The following CCZ1B variants were observed in gnomAD, a reference collection of about 807,000 sequenced individuals.
CCZ1B encodes CCZ1B vacuolar protein trafficking and biogenesis associated, also known as vacuolar fusion protein CCZ1 homolog B.
Under a neutral mutation model 58.8 loss-of-function variants are expected in CCZ1B, and 25 were observed. The ratio of observed to expected loss-of-function variants is 0.43; its 90% CI spans 0.31 to 0.59. The LOEUF (loss-of-function observed/expected upper bound fraction) is 0.59, where lower values mean the gene tolerates loss of function less well. Ranked by LOEUF, CCZ1B falls within the 20% of genes least tolerant of loss-of-function variation. CCZ1B has a pLI of 0.12. For missense variants in CCZ1B, 180 were observed against 501.5 expected, an observed-to-expected ratio of 0.36 and a Z score of 6.12; for synonymous variants, 66 against 173.2, an observed-to-expected ratio of 0.38 and a Z score of 4.86.
intron 6 of CCZ1B, among the ~76,000 whole-genome samples, chr7:6,821,460 C>G (rs1445832668): frequency 6.6e-6 from 1 of 152,304 alleles, no homozygotes; most frequent in Non-Finnish European, 1.5e-5. Context: ...ATTAAAATGA[C>G]AAAACAACAA....
chr7:6,813,903 T>C (rs2115118376), intron 8 of CCZ1B, among the ~76,000 whole-genome samples: 1 of 149,252 alleles, frequency 6.7e-6, no homozygotes, highest in South Asian at 2.1e-4. Context: ...CCCAGCACTT[T>C]GGGAAGCTGA....
At chr7:6,822,179 T>C in intron 6 of CCZ1B, 102 bp downstream of exon 6, 1 of 1,499,958 alleles carries the variant, frequency 6.7e-7, no homozygotes, top group Non-Finnish European at 8.9e-7. Context: ...CACTTTCAAG[T>C]TCTGGGTTTT....
chr7:6,808,388 AAAAAAAAAAAC>A (rs1221337995), intron 10 of CCZ1B, among the ~76,000 whole-genome samples: 66 of 64,440 alleles, frequency 1.0e-3, no homozygotes, highest in South Asian at 2.2e-3. Flanking sequence ...AAAAACCAAA[AAAAAAAAAAAC>A]AAAAAACAAA....
At chr7:6,824,329 G>C in intron 3 of CCZ1B, 126 bp downstream of exon 3, 2 of 1,342,236 alleles carry the variant, frequency 1.5e-6, no homozygotes, top group East Asian at 2.5e-5. Flanking sequence ...TTTTAAAATT[G>C]CAACCAATTT....
At chr7:6,818,513 T>A (rs1221410075) in intron 7 of CCZ1B, among the ~76,000 whole-genome samples, 1 of 147,714 alleles carries the variant, frequency 6.8e-6, no homozygotes, top group East Asian at 1.9e-4. Flanking sequence ...CGCGCCACTG[T>A]ACTCCAGCCT....
At chr7:6,812,371 C>T in intron 9 of CCZ1B, 1 of 368,674 alleles carries the variant, frequency 2.7e-6, no homozygotes, top group South Asian at 2.3e-5. Context: ...CACCTGCAAT[C>T]CCAGCTACTA....
At chr7:6,808,539 C>A (rs1487615564) in intron 10 of CCZ1B, among the ~76,000 whole-genome samples, 1 of 150,794 alleles carries the variant, frequency 6.6e-6, no homozygotes, top group South Asian at 2.1e-4. Context: ...AACCTGTATT[C>A]TTCCACTGTA....
intron 9 of CCZ1B, chr7:6,812,390 G>A (rs1782929796): frequency 1.7e-5 from 6 of 343,314 alleles, no homozygotes; most frequent in South Asian, 1.5e-4. Flanking sequence ...TAGAGAGGCT[G>A]AGGCAGGGGA....
At chr7:6,818,682 AAAGAAAGAAAGAC>A (rs1266038933) in intron 7 of CCZ1B, among the ~76,000 whole-genome samples, 7 of 78,802 alleles carry the variant, frequency 8.9e-5, no homozygotes, top group African/African-American at 4.0e-4. Flanking sequence ...AGAAAGAAAG[AAAGAAAGAAAGAC>A]AAGAAAGAAA....
chr7:6,804,542 G>C (rs956228939), intron 12 of CCZ1B, among the ~76,000 whole-genome samples: 2 of 103,968 alleles, frequency 1.9e-5, no homozygotes, highest in African/African-American at 3.8e-5. Flanking sequence ...TGAGTACCCA[G>C]GCCCAGTGCC....
intron 6 of CCZ1B, among the ~76,000 whole-genome samples, chr7:6,821,500 T>G (rs10272411): frequency 3.3e-5 from 5 of 152,302 alleles, no homozygotes; most frequent in African/African-American, 1.2e-4. Context: ...ACAAAAAAAT[T>G]CAAAAATAGC....
At chr7:6,825,639 AAC>A (rs1228086852) in intron 1 of CCZ1B, among the ~76,000 whole-genome samples, 3 of 97,150 alleles carry the variant, frequency 3.1e-5, no homozygotes, top group Non-Finnish European at 5.9e-5. Context: ...ACCTCAGAAA[AAC>A]CACACACACA....
chr7:6,813,329 T>C (rs1321551401), intron 8 of CCZ1B, among the ~76,000 whole-genome samples: 3 of 149,460 alleles, frequency 2.0e-5, no homozygotes, highest in Non-Finnish European at 4.4e-5. Context: ...CTCACGCCTA[T>C]AATCCCAGCA....
intron 5 of CCZ1B, among the ~76,000 whole-genome samples, chr7:6,823,026 T>TA (rs1163293055): frequency 6.8e-6 from 1 of 147,040 alleles, no homozygotes; most frequent in African/African-American, 2.6e-5. Flanking sequence ...TTTTAAATCA[T>TA]AAAATTATCT....
At chr7:6,811,588 CT>C (rs1583551465) in intron 10 of CCZ1B, 1 of 273,362 alleles carries the variant, frequency 3.7e-6, no homozygotes, top group East Asian at 9.6e-5. Context: ...AAGCCTACAG[CT>C]TTAAAATCAG....
At chr7:6,822,234 C>A in intron 6 of CCZ1B, 47 bp downstream of exon 6, 1 of 1,561,720 alleles carries the variant, frequency 6.4e-7, no homozygotes, top group Non-Finnish European at 8.6e-7. Context: ...TCTCTAAAAA[C>A]CTGATGAATG....
At chr7:6,810,820 C>A (rs1176694817) in intron 10 of CCZ1B, among the ~76,000 whole-genome samples, 1 of 149,362 alleles carries the variant, frequency 6.7e-6, no homozygotes, top group African/African-American at 2.5e-5. Flanking sequence ...TCCTCGGAAT[C>A]ATGTTTCTTT....
intron 6 of CCZ1B, among the ~76,000 whole-genome samples, chr7:6,820,561 G>T (rs1471020764): frequency 6.8e-6 from 1 of 147,740 alleles, no homozygotes; most frequent in Non-Finnish European, 1.5e-5. Context: ...CGTGATTCTC[G>T]TGTCTAGGCA....
chr7:6,803,890 A>G (rs1782796391), intron 12 of CCZ1B, among the ~76,000 whole-genome samples: 1 of 149,248 alleles, frequency 6.7e-6, no homozygotes, highest in Non-Finnish European at 1.5e-5. Flanking sequence ...CGGAGGTTGC[A>G]GTGAGCTGAG....
Sources: allele counts gnomAD v4.1 joint callset (sites outside exome capture counted in the v4.1 genomes callset), GRCh38; gene constraint gnomAD v4.1.1; transcripts MANE v1.5; gene names NCBI Gene and HGNC (gene_info 2026-07-23, HGNC 2026-07-21).